The following EIF3J variants were observed in gnomAD, a reference collection of about 807,000 sequenced individuals.
EIF3J encodes the protein eukaryotic translation initiation factor 3, subunit 1 (alpha, 35kD).
Under a neutral mutation model 39.0 loss-of-function variants are expected in EIF3J, and 15 were observed. The ratio of observed to expected loss-of-function variants is 0.38; its 90% CI spans 0.26 to 0.59. The LOEUF is 0.59. Ranked by LOEUF, EIF3J falls within the 20% of genes least tolerant of loss-of-function variation. The probability of loss-of-function intolerance (pLI) is 0.60; values close to 1 mark genes in which losing one functional copy is unlikely to be tolerated. For synonymous variants in EIF3J, 98 were observed against 112.9 expected (o/e 0.87, Z 0.84); for missense variants, 226 against 308.6 (o/e 0.73, Z 2.00).
In EIF3J at chr15:44,541,320, A is replaced by C. The variant is rs549288932; in HGVS notation, c.147+3893A>C. On this transcript the variant is annotated intron_variant, in intron 2 of 7. Transcript: ENST00000261868. ...TAGTCTCCTAGCATTTCAGTAGAAC[A>C]GTTTAGAAGCTAGATTTATTCAAAG... Among the ~76,000 whole-genome samples, 5 of 152,342 alleles carry C rather than the reference A, an allele frequency of 3.3e-5. No homozygotes were observed. The South Asian group carries it at 1.0e-3, about 32-fold the overall frequency.
At chr15:44,540,420 G>C (rs569931625) in intron 2 of EIF3J, among the ~76,000 whole-genome samples, 69 of 151,448 alleles carry the variant, frequency 4.6e-4, no homozygotes, top group African/African-American at 1.6e-3. Flanking sequence ...TTTTGAGACG[G>C]ATTTGTGAGA....
At chr15:44,549,439 T>C (rs2082080593) in intron 2 of EIF3J, among the ~76,000 whole-genome samples, 1 of 151,704 alleles carries the variant, frequency 6.6e-6, no homozygotes, top group Admixed American at 6.6e-5. Context: ...AAGAAAAGAC[T>C]TTCTAATTGA....
At chr15:44,548,386 A>G (rs1407460066) in intron 2 of EIF3J, among the ~76,000 whole-genome samples, 1 of 152,098 alleles carries the variant, frequency 6.6e-6, no homozygotes, top group Non-Finnish European at 1.5e-5. Context: ...TTGCACTCCA[A>G]CCTGGGCGAC....
rs780205818 is a variant in EIF3J at position 44,550,857 on chromosome 15, T to C, written c.148-19T>C. The C allele has an allele frequency of 6.6e-7, 1 of 1,523,682 alleles. No individual in the cohort carries two copies. The highest frequency in any genetic ancestry group is 9.1e-7 in the Non-Finnish European group (1 of 1,104,880). The allele number at this position is 1,523,682 out of a possible 1,614,324, so 94.4% of individuals were successfully genotyped here. On this transcript the variant is annotated intron_variant, in intron 2 of 7. Coordinates refer to ENST00000261868, the MANE Select transcript of EIF3J (RefSeq NM_003758.4). The stretch of plus-strand genomic sequence containing the variant: ...AAAGCAAACATGCAAGAATTATTAA[T>C]GGAAGTCCTTTTCTTTAGGATAACT...
chr15:44,546,889 C>A (rs116063109), intron 2 of EIF3J, among the ~76,000 whole-genome samples: 5,211 of 128,608 alleles, frequency 0.041, 325 homozygotes, highest in African/African-American at 0.14. Context: ...GTGGCTCGAT[C>A]CTGGCTCACT....
Position 44,547,469 on chromosome 15 carries a change from C to T in EIF3J, c.148-3407C>T, listed in dbSNP as rs1390535814. Among the ~76,000 whole-genome samples, 16 of 107,708 alleles carry T rather than the reference C, an allele frequency of 1.5e-4. No individual in the cohort carries two copies. In the East Asian group the frequency reaches 1.9e-3, roughly 13 times the overall value. The allele number at this position is 107,708 out of a possible 152,430, so 70.7% of individuals were successfully genotyped here. ...TTTTTTTTTTTTTTTTTTTTTGAGA[C>T]GAAGTCTCGCCGCACTGTCACCTGG... On this transcript the variant is annotated intron_variant, in intron 2 of 7. Coordinates refer to ENST00000261868, the MANE Select transcript of EIF3J (RefSeq NM_003758.4).
At chr15:44,557,448 C>A (rs746421101) in intron 5 of EIF3J, 41 bp from the exon 6 acceptor site, 1 of 1,432,710 alleles carries the variant, frequency 7.0e-7, no homozygotes, top group Non-Finnish European at 9.2e-7. Context: ...TTTAAAAATC[C>A]TAACCTCCTG....
chr15:44,547,560 C>T (rs1426152789), intron 2 of EIF3J, among the ~76,000 whole-genome samples: 2 of 151,258 alleles, frequency 1.3e-5, no homozygotes, highest in Non-Finnish European at 2.9e-5. Flanking sequence ...AGTGATTCTC[C>T]TGCCTCAGCC....
At chr15:44,560,045 C>T (rs1487333598) in intron 6 of EIF3J, among the ~76,000 whole-genome samples, 2 of 152,120 alleles carry the variant, frequency 1.3e-5, no homozygotes, top group Non-Finnish European at 2.9e-5. Context: ...GCCACTGTGC[C>T]CGGCCACCTT....
chr15:44,547,204 C>T (rs574968151), intron 2 of EIF3J, among the ~76,000 whole-genome samples: 89 of 152,118 alleles, frequency 5.9e-4, no homozygotes, highest in African/African-American at 1.3e-3. Context: ...AGTGCAATGG[C>T]GCGATCTCGG....
At chr15:44,546,237 A>C (rs1028996801) in intron 2 of EIF3J, among the ~76,000 whole-genome samples, 2 of 152,238 alleles carry the variant, frequency 1.3e-5, no homozygotes, top group Admixed American at 1.3e-4. Flanking sequence ...ACAGTTACTC[A>C]AATAATGACT....
At chr15:44,549,152 G>A (rs1595802285) in intron 2 of EIF3J, among the ~76,000 whole-genome samples, 1 of 152,128 alleles carries the variant, frequency 6.6e-6, no homozygotes, top group Admixed American at 6.5e-5. Context: ...CCAGCACTTC[G>A]GGAGGCTGAG....
At chr15:44,560,164 A>C in intron 6 of EIF3J, 85 bp from the exon 7 acceptor site, 1 of 1,023,400 alleles carries the variant, frequency 9.8e-7, no homozygotes, top group East Asian at 2.4e-5. Flanking sequence ...GGATATATAG[A>C]TATATATGGA....
Position 44,537,383 on chromosome 15 carries a change from G to T in EIF3J, c.103G>T (p.Gly35Cys). Reference sequence around the variant, plus strand: ...GAAGGTGGGGGGCGGCGGCACTGCCGGCGGGGACCGCTGGGAAGGCGAGGA... The same window carrying T: ...GAAGGTGGGGGGCGGCGGCACTGCCTGCGGGGACCGCTGGGAAGGCGAGGA... ...VRKVGGGGTAGGDRWEGEDED... is the reference protein window; with the variant it reads ...VRKVGGGGTACGDRWEGEDED... Residue 35 changes from glycine to cysteine, a missense_variant, in exon 2 of 8, where the codon GGC becomes TGC. By Grantham distance (159) the Gly-to-Cys change is radical (BLOSUM62 -3). Transcript: ENST00000261868. The T allele has an allele frequency of 6.4e-7, 1 of 1,566,794 alleles. No homozygotes were observed. Among genetic ancestry groups the T allele is most frequent in the South Asian group, 1.2e-5 (1 of 85,704 alleles).
At chr15:44,557,744 T>A in intron 6 of EIF3J, 94 bp downstream of exon 6, 1 of 945,680 alleles carries the variant, frequency 1.1e-6, no homozygotes, top group Non-Finnish European at 1.5e-6. Flanking sequence ...TCAAGGATAC[T>A]ATAATACAGA....
At chr15:44,549,391 CAAAAA>C (rs1389901130) in intron 2 of EIF3J, among the ~76,000 whole-genome samples, 3 of 151,446 alleles carry the variant, frequency 2.0e-5, no homozygotes, top group Non-Finnish European at 2.9e-5. Context: ...AACTCCAACT[CAAAAA>C]CAAAACAAAA....
At chr15:44,541,706 G>A (rs748424376) in intron 2 of EIF3J, among the ~76,000 whole-genome samples, 10 of 152,222 alleles carry the variant, frequency 6.6e-5, no homozygotes, top group African/African-American at 9.6e-5. Flanking sequence ...GAAATACCCA[G>A]AAGGTGGGCA....
chr15:44,551,603 A>G, intron 4 of EIF3J, 81 bp downstream of exon 4: 1 of 1,051,524 alleles, frequency 9.5e-7, no homozygotes, highest in African/African-American at 1.6e-5. Context: ...TTACCTAGGA[A>G]TTTGAAGGGC....
chr15:44,549,126 G>T (rs1268912817), intron 2 of EIF3J, among the ~76,000 whole-genome samples: 1 of 152,180 alleles, frequency 6.6e-6, no homozygotes, highest in African/African-American at 2.4e-5. Flanking sequence ...GGGCGAAGTG[G>T]CTCATGCCTG....
Sources: gnomAD v4.1 joint callset for allele counts (sites outside exome capture counted in the v4.1 genomes callset) on GRCh38, gnomAD v4.1.1 for gene constraint, MANE v1.5 for transcripts, NCBI Gene and HGNC (gene_info 2026-07-23, HGNC 2026-07-21) for gene names.